Variants in FARS2 observed in about 807,000 individuals in gnomAD.
FARS2 encodes phenylalanine--tRNA ligase, mitochondrial.
FARS2 carries 40 observed loss-of-function variants against 46.4 expected under a neutral mutation model. That is an observed-to-expected ratio of 0.86 (90% CI 0.67 to 1.12). The LOEUF is 1.12. Ranked by LOEUF, FARS2 falls within the 50% of genes most tolerant of loss-of-function variation. FARS2 has a pLI of 0.00. For missense variants in FARS2, 513 were observed against 567.9 expected (o/e 0.90, Z 0.98); for synonymous variants, 234 against 214.9 (o/e 1.09, Z -0.78).
At chr6:5,380,065 A>G (rs895005968) in intron 2 of FARS2, among the ~76,000 whole-genome samples, 9 of 152,192 alleles carry the variant, frequency 5.9e-5, no homozygotes, top group Admixed American at 3.3e-4. Context: ...ATATTTATGG[A>G]GGCAAAATAT....
chr6:5,558,704 T>A (rs1162716903), intron 5 of FARS2, among the ~76,000 whole-genome samples: 2 of 151,838 alleles, frequency 1.3e-5, no homozygotes, highest in African/African-American at 4.8e-5. Flanking sequence ...ACCCAGCTTA[T>A]TTTTTTATTT....
chr6:5,260,605 C>CG, upstream of FARS2: 3 of 822,288 alleles, frequency 3.6e-6, no homozygotes, highest in Non-Finnish European at 3.9e-6. Flanking sequence ...CGGTCCCCGG[C>CG]CCCTGGCCCC....
At chr6:5,465,374 T>A (rs147892750) in intron 4 of FARS2, among the ~76,000 whole-genome samples, 2 of 152,326 alleles carry the variant, frequency 1.3e-5, no homozygotes, top group East Asian at 1.9e-4. Flanking sequence ...TTTATTTGTT[T>A]CTTCATTTTA....
At chr6:5,253,697 A>G in the FARS2 span, among the ~76,000 whole-genome samples, 1 of 152,106 alleles carries the variant, frequency 6.6e-6, no homozygotes, top group Admixed American at 6.5e-5. Context: ...ACCAATTGAG[A>G]GCAATCATGG....
chr6:5,685,507 A>G (rs1332634751), intron 6 of FARS2, among the ~76,000 whole-genome samples: 1 of 152,194 alleles, frequency 6.6e-6, no homozygotes, highest in Non-Finnish European at 1.5e-5. Context: ...TGACTGGCCC[A>G]CTGTGTGACT....
At position 5,764,505 on chromosome 6, in the gene FARS2, A is replaced by G. The variant is rs538557841; in HGVS notation, c.1218-6786A>G. On this transcript the variant is annotated intron_variant, in intron 6 of 6. Coordinates refer to ENST00000274680, the MANE Select transcript of FARS2 (RefSeq NM_006567.5). This position sits in a 1 kb window ranked among gnomAD's most constrained non-coding sequence, Gnocchi z 4.1. The stretch of plus-strand genomic sequence containing the variant: ...CTTCTGCATCAGACAAGCAGGAGAC[A>G]GATGAGGAGTGAGCCGGGGAAACCC... Among the ~76,000 whole-genome samples the G allele has an allele frequency of 6.6e-6, 1 of 152,284 alleles. No homozygotes were observed. Among genetic ancestry groups the G allele is most frequent in the Admixed American group, 6.5e-5 (1 of 15,302 alleles).
At chr6:5,696,589 A>G (rs1420040979) in intron 6 of FARS2, among the ~76,000 whole-genome samples, 1 of 152,230 alleles carries the variant, frequency 6.6e-6, no homozygotes, top group African/African-American at 2.4e-5. Flanking sequence ...ACTAAGGTAT[A>G]AAATATTCTA....
At chr6:5,696,897 C>A (rs1758138936) in intron 6 of FARS2, among the ~76,000 whole-genome samples, 1 of 152,050 alleles carries the variant, frequency 6.6e-6, no homozygotes, top group South Asian at 2.1e-4. Context: ...CTTATCCAAC[C>A]ATGGAGAACA....
intron 6 of FARS2, among the ~76,000 whole-genome samples, chr6:5,625,269 A>G (rs1775974264): frequency 6.6e-6 from 1 of 152,160 alleles, no homozygotes; most frequent in Non-Finnish European, 1.5e-5. Flanking sequence ...CAGCACAGAC[A>G]GGTCTGGCAG....
intron 6 of FARS2, among the ~76,000 whole-genome samples, chr6:5,706,569 G>C (rs1758780180): frequency 1.3e-5 from 2 of 152,166 alleles, no homozygotes; most frequent in South Asian, 4.1e-4. Context: ...CAGTAGCCCA[G>C]GGAGGTTCTT....
intron 5 of FARS2, among the ~76,000 whole-genome samples, chr6:5,576,563 TAGAG>T (rs1772977654): frequency 6.8e-6 from 1 of 147,766 alleles, no homozygotes; most frequent in Admixed American, 6.8e-5. Context: ...ATATCATATA[TAGAG>T]TATATATCTA....
intron 3 of FARS2, among the ~76,000 whole-genome samples, chr6:5,417,996 C>T (rs1373199896): frequency 6.6e-6 from 1 of 151,962 alleles, no homozygotes; most frequent in East Asian, 1.9e-4. Flanking sequence ...TCTACAGTGT[C>T]TAATTTTCTG....
chr6:5,494,393 G>C (rs1376947007), intron 4 of FARS2, among the ~76,000 whole-genome samples: 2 of 152,328 alleles, frequency 1.3e-5, no homozygotes, highest in East Asian at 3.9e-4. Context: ...TGGAATCCGG[G>C]TCTGTACTGG....
chr6:5,469,240 C>T (rs754824079), intron 4 of FARS2, among the ~76,000 whole-genome samples: 25 of 152,176 alleles, frequency 1.6e-4, no homozygotes, highest in Non-Finnish European at 3.4e-4. Flanking sequence ...TATCATCACT[C>T]ACCACTTGCT....
chr6:5,618,924 A>G (rs1385948372), intron 6 of FARS2, among the ~76,000 whole-genome samples: 1 of 152,238 alleles, frequency 6.6e-6, no homozygotes, highest in East Asian at 1.9e-4. Flanking sequence ...ATGTCAGTAT[A>G]TGAACTTGAT....
At chr6:5,652,138 G>A (rs1777399989) in intron 6 of FARS2, among the ~76,000 whole-genome samples, 1 of 152,212 alleles carries the variant, frequency 6.6e-6, no homozygotes, top group African/African-American at 2.4e-5. Flanking sequence ...GCATGAAGGA[G>A]CTAAGTGCTT....
chr6:5,653,143 A>G (rs982674339), intron 6 of FARS2, among the ~76,000 whole-genome samples: 1 of 152,238 alleles, frequency 6.6e-6, no homozygotes, highest in African/African-American at 2.4e-5. Context: ...ATCTACATTA[A>G]TATCAAGTGT....
chr6:5,353,438 A>G (rs989713142), intron 1 of FARS2, among the ~76,000 whole-genome samples: 3 of 152,210 alleles, frequency 2.0e-5, no homozygotes, highest in East Asian at 3.8e-4. Flanking sequence ...CTGCTGGATC[A>G]TATAGAAGTC....
chr6:5,390,923 T>G lies in FARS2; in HGVS notation c.613-13619T>G, dbSNP rs544844216. ...GGAATAACCCAAGAAACTGTTCACA[T>G]TGATGCAATTGCACATATGCTAAGT... On this transcript the variant is annotated intron_variant, in intron 2 of 6. Transcript: ENST00000274680. Among the ~76,000 whole-genome samples the G allele has an allele frequency of 2.0e-5, 3 of 152,346 alleles. 1 individual carries two copies. The East Asian group carries it at 5.8e-4, about 29-fold the overall frequency.
Sources: gnomAD v4.1 joint callset for allele counts (sites outside exome capture counted in the v4.1 genomes callset) on GRCh38, gnomAD v4.1.1 for gene constraint, Gnocchi (gnomAD v3.1) non-coding constraint, MANE v1.5 for transcripts, NCBI Gene and HGNC (gene_info 2026-07-23, HGNC 2026-07-21) for gene names.